GALNT10: variants seen among roughly 807,000 people sequenced by gnomAD.
GALNT10 encodes GalNAc transferase 10.
Under a neutral mutation model 75.0 loss-of-function variants are expected in GALNT10, and 41 were observed. That is an observed-to-expected ratio of 0.55 (90% confidence interval 0.43 to 0.71). The LOEUF (loss-of-function observed/expected upper bound fraction) is 0.71, where lower values mean the gene tolerates loss of function less well. Among genes scored for constraint, GALNT10 ranks in the 30% least tolerant of loss-of-function variants. GALNT10 has a pLI of 0.00. For synonymous variants in GALNT10, 302 were observed against 313.0 expected (o/e 0.96, Z 0.37); for missense variants, 727 against 818.5 (o/e 0.89, Z 1.36).
intron 3 of GALNT10, among the ~76,000 whole-genome samples, chr5:154,320,975 A>G (rs1256369895): frequency 1.3e-5 from 2 of 152,192 alleles, no homozygotes; most frequent in Non-Finnish European, 1.5e-5. Flanking sequence ...GCAGAGGTAC[A>G]ATTTGAAACT....
At chr5:154,397,126 C>T (rs1165522902) in intron 7 of GALNT10, among the ~76,000 whole-genome samples, 1 of 126,132 alleles carries the variant, frequency 7.9e-6, no homozygotes, top group African/African-American at 2.7e-5. Flanking sequence ...GACTCCGTCT[C>T]AAAAAAAAAA....
intron 1 of GALNT10, among the ~76,000 whole-genome samples, chr5:154,287,959 TGAGA>T (rs36043154): frequency 1.5e-4 from 23 of 149,844 alleles, no homozygotes; most frequent in African/African-American, 4.2e-4. Context: ...TGTGTGTGTG[TGAGA>T]GAGAGAGAGA....
Position 154,409,677 on chromosome 5 carries a change from G to C in GALNT10, c.1301G>C (p.Ser434Thr). 1.2e-6 allele frequency: 2 copies of C among 1,614,184 alleles called. No homozygotes were observed. Among genetic ancestry groups the C allele is most frequent in the South Asian group, 1.1e-5 (1 of 91,082 alleles). The change falls in exon 9 of 12, where the codon AGT (serine) becomes ACT (threonine). Residue 434 changes from serine (S) to threonine (T), a missense_variant. Coordinates refer to ENST00000297107, the MANE Select transcript of GALNT10 (RefSeq NM_198321.4). This position sits in a 1 kb window ranked among gnomAD's most constrained non-coding sequence, Gnocchi z 4.5. ...CTCCGCAGCTCCCTTAACTGCAAGAGTTTCAAGTGGTTTATGACGAAGATA... is the reference window on the plus strand; with the variant it reads ...CTCCGCAGCTCCCTTAACTGCAAGACTTTCAAGTGGTTTATGACGAAGATA... The part of the protein sequence containing the change: ...KKLRSSLNCK[S>T]FKWFMTKIAW...
chr5:154,214,711 C>T (rs1297385893), intron 1 of GALNT10, among the ~76,000 whole-genome samples: 1 of 152,126 alleles, frequency 6.6e-6, no homozygotes, highest in Non-Finnish European at 1.5e-5. Flanking sequence ...CAGTCAGCTA[C>T]CTGTACAGGA....
intron 1 of GALNT10, among the ~76,000 whole-genome samples, chr5:154,291,903 G>T (rs1227582072): frequency 6.6e-6 from 1 of 152,196 alleles, no homozygotes; most frequent in Non-Finnish European, 1.5e-5. Flanking sequence ...CTGGGGAGAC[G>T]TGCCCCATCC....
In GALNT10 at chr5:154,285,264, G is replaced by A. The variant is rs80355468; in HGVS notation, c.160-9552G>A. On this transcript the variant is annotated intron_variant, in intron 1 of 11. Coordinates refer to ENST00000297107, the MANE Select transcript of GALNT10 (RefSeq NM_198321.4). Reference sequence around the variant, plus strand: ...GCAAAGGCACACTCTGCATGAGCACGGGAGGCTCACCACCACCCTTGTAGG... The same window carrying A: ...GCAAAGGCACACTCTGCATGAGCACAGGAGGCTCACCACCACCCTTGTAGG... Among the ~76,000 whole-genome samples, 928 of 152,246 alleles carry A rather than the reference G, an allele frequency of 6.1e-3. 6 individuals are homozygous for A. The highest frequency in any genetic ancestry group is 0.01 in the Middle Eastern group (3 of 294).
At chr5:154,243,935 T>G (rs1005312510) in intron 1 of GALNT10, among the ~76,000 whole-genome samples, 8 of 152,200 alleles carry the variant, frequency 5.3e-5, no homozygotes, top group African/African-American at 1.9e-4. Flanking sequence ...TAAAGGGTGC[T>G]TAGAGAGCTT....
intron 4 of GALNT10, among the ~76,000 whole-genome samples, chr5:154,336,524 A>G (rs1404320185): frequency 6.6e-6 from 1 of 152,210 alleles, no homozygotes; most frequent in African/African-American, 2.4e-5. Context: ...GGATTTTGTC[A>G]ATAGCTGCTT....
chr5:154,253,854 G>T (rs559881866), intron 1 of GALNT10, among the ~76,000 whole-genome samples: 32 of 151,808 alleles, frequency 2.1e-4, no homozygotes, highest in African/African-American at 6.0e-4. Flanking sequence ...GCTCAGTTTG[G>T]ACTTACCTCT....
intron 4 of GALNT10, among the ~76,000 whole-genome samples, chr5:154,348,558 G>A (rs1239970231): frequency 2.0e-5 from 3 of 152,180 alleles, no homozygotes; most frequent in Non-Finnish European, 4.4e-5. Context: ...CAATTCAGTG[G>A]CATTGTGGAG....
intron 1 of GALNT10, among the ~76,000 whole-genome samples, chr5:154,198,980 A>G (rs1175739098): frequency 6.6e-6 from 1 of 152,168 alleles, no homozygotes; most frequent in Non-Finnish European, 1.5e-5. Flanking sequence ...ATTGTTTTTA[A>G]TCTGTCCAGA....
intron 1 of GALNT10, among the ~76,000 whole-genome samples, chr5:154,226,097 GTA>G (rs201156827): frequency 1.3e-5 from 2 of 151,078 alleles, no homozygotes; most frequent in Non-Finnish European, 2.9e-5. Context: ...ACAGACCTGC[GTA>G]TTGTGCACAT....
chr5:154,296,711 C>T (rs565700059), intron 2 of GALNT10, among the ~76,000 whole-genome samples: 2 of 152,272 alleles, frequency 1.3e-5, no homozygotes, highest in South Asian at 4.1e-4. Flanking sequence ...CTTGGAACTC[C>T]ACTCCATCTG....
chr5:154,297,590 C>T (rs954547288), intron 2 of GALNT10, among the ~76,000 whole-genome samples: 2 of 152,128 alleles, frequency 1.3e-5, no homozygotes, highest in African/African-American at 2.4e-5. Flanking sequence ...GACTGGTCTG[C>T]GAGGGCAGGG....
At chr5:154,280,504 A>T (rs1365087135) in intron 1 of GALNT10, among the ~76,000 whole-genome samples, 1 of 152,216 alleles carries the variant, frequency 6.6e-6, no homozygotes, top group Admixed American at 6.5e-5. Context: ...GCAGGTATCA[A>T]AATATCATTT....
Position 154,409,602 on chromosome 5 carries a change from GGCCTGAATACC to G in GALNT10, c.1230_1240del (p.Glu411ProfsTer17). ...TACGCAGAGTACATTTACCAGCGCC[GGCCTGAATACC>G]GCCACCTCTCCGCTGGGGATGTCGC... On this transcript the variant is annotated frameshift_variant, in exon 9 of 12. Transcript: ENST00000297107. LOFTEE classifies it high-confidence loss of function. This position sits in a 1 kb window ranked among gnomAD's most constrained non-coding sequence, Gnocchi z 4.5. The G allele has an allele frequency of 1.9e-6, 3 of 1,614,022 alleles. No homozygotes were observed. Among genetic ancestry groups the G allele is most frequent in the Non-Finnish European group, 1.7e-6 (2 of 1,179,928 alleles).
intron 1 of GALNT10, among the ~76,000 whole-genome samples, chr5:154,201,030 C>T (rs780966649): frequency 4.9e-4 from 75 of 151,834 alleles, no homozygotes; most frequent in Non-Finnish European, 9.1e-4. Context: ...CTGCTGAGTT[C>T]AGGTTCAAGT....
intron 1 of GALNT10, among the ~76,000 whole-genome samples, chr5:154,192,855 A>C (rs1774880379): frequency 6.6e-6 from 1 of 152,154 alleles, no homozygotes; most frequent in Non-Finnish European, 1.5e-5. Flanking sequence ...TTTCATTTGC[A>C]ATAGATGCCA....
Position 154,345,802 on chromosome 5 carries a change from ATT to A in GALNT10, c.568+16077_568+16078del, listed in dbSNP as rs35697160. On this transcript the variant is annotated intron_variant, in intron 4 of 11. Coordinates refer to ENST00000297107, the MANE Select transcript of GALNT10 (RefSeq NM_198321.4). The stretch of plus-strand genomic sequence containing the variant: ...AGGCCTGCACCACTACACCCGGCGA[ATT>A]TTTTTTTTTTTTGTATTTTTTGTAG... Among the ~76,000 whole-genome samples, 110 of 139,776 alleles carry A rather than the reference ATT, an allele frequency of 7.9e-4. 1 individual carries two copies. The highest frequency in any genetic ancestry group is 7.8e-4 in the Admixed American group (11 of 14,104). The allele number at this position is 139,776 out of a possible 152,430, so 91.7% of individuals were successfully genotyped here. A position where few individuals can be genotyped will look rare whatever the true frequency, so the allele number is the denominator to read the frequency against.
Sources: gnomAD v4.1 joint callset for allele counts (sites outside exome capture counted in the v4.1 genomes callset) on GRCh38, gnomAD v4.1.1 for gene constraint, Gnocchi (gnomAD v3.1) non-coding constraint, MANE v1.5 for transcripts, NCBI Gene and HGNC (gene_info 2026-07-23, HGNC 2026-07-21) for gene names.